The following PTPRO variants were observed in gnomAD, a reference collection of about 807,000 sequenced individuals.
PTPRO encodes protein tyrosine phosphatase receptor type O, also known as receptor-type tyrosine-protein phosphatase O.
In PTPRO, 62 loss-of-function variants were observed where a neutral mutation model predicts 145.2. That is an observed-to-expected ratio of 0.43 (90% confidence interval 0.35 to 0.53). The LOEUF (loss-of-function observed/expected upper bound fraction) is 0.53. Ranked by LOEUF, PTPRO falls within the 20% of genes least tolerant of loss-of-function variation. PTPRO has a pLI of 0.01. For missense variants in PTPRO, 1,345 were observed against 1,482.7 expected (o/e 0.91, Z 1.53); for synonymous variants, 565 against 514.7 (o/e 1.10, Z -1.32).
chr12:15,409,803 C>G (rs1384453010), intron 1 of PTPRO, among the ~76,000 whole-genome samples: 1 of 152,196 alleles, frequency 6.6e-6, no homozygotes, highest in African/African-American at 2.4e-5. Flanking sequence ...ATCTCAAGGA[C>G]AGTACCAAGG....
chr12:15,558,512 C>T (rs1313910946), intron 16 of PTPRO, among the ~76,000 whole-genome samples: 1 of 152,164 alleles, frequency 6.6e-6, no homozygotes, highest in East Asian at 1.9e-4. Context: ...ACAATCCTAT[C>T]CAGTTCAATC....
rs149911797 is a variant in PTPRO, at chr12:15,595,429, G to T, written c.*16+372G>T. On this transcript the variant is annotated intron_variant, in intron 26 of 26. Coordinates refer to ENST00000281171, the MANE Select transcript of PTPRO (RefSeq NM_030667.3). ...TGCAAATATTTTATTGATTACAAGG[G>T]CTGTATACGGGGTTACAAAAAGACA... 982 of 282,510 alleles carry T rather than the reference G, an allele frequency of 3.5e-3. 5 individuals carry two copies. The highest frequency in any genetic ancestry group is 5.1e-3 in the Admixed American group (113 of 22,220). 17.5% of individuals were successfully genotyped at this position (282,510 alleles called of 1,614,324 possible). A position where few individuals can be genotyped will look rare whatever the true frequency, so the allele number is the denominator to read the frequency against.
chr12:15,568,543 G>C (rs1265352542), intron 18 of PTPRO, among the ~76,000 whole-genome samples: 1 of 152,196 alleles, frequency 6.6e-6, no homozygotes, highest in Non-Finnish European at 1.5e-5. Context: ...CCCTGCCAAA[G>C]TGGAAAGGCT....
At position 15,524,796 on chromosome 12, in the gene PTPRO, C is replaced by T. The variant is rs766847789; in HGVS notation, c.1892-18C>T. On this transcript the variant is annotated intron_variant, in intron 10 of 26. Transcript: ENST00000281171. ...ATCCATCTATTATACTAAATTGTGC[C>T]TCGTTTCTCCCTTGTAGCCCCAGTG... 9.3e-6 allele frequency: 15 copies of T among 1,607,340 alleles called. No homozygotes were observed. The highest frequency in any genetic ancestry group is 1.3e-5 in the Non-Finnish European group (15 of 1,174,120).
chr12:15,573,373 A>G (rs949975146), intron 19 of PTPRO, among the ~76,000 whole-genome samples: 1 of 152,222 alleles, frequency 6.6e-6, no homozygotes, highest in African/African-American at 2.4e-5. Flanking sequence ...TTAATCACAT[A>G]TGAGAAAAAC....
intron 1 of PTPRO, among the ~76,000 whole-genome samples, chr12:15,397,662 T>C (rs565422175): frequency 6.6e-6 from 1 of 152,312 alleles, no homozygotes; most frequent in East Asian, 1.9e-4. Context: ...TCCTGGTTCA[T>C]GTATCCATCA....
In PTPRO at chr12:15,414,131, A is replaced by G. The variant is rs142935863; in HGVS notation, c.76-69843A>G. Among the ~76,000 whole-genome samples the G allele has an allele frequency of 4.6e-5, 7 of 152,342 alleles. No homozygotes were observed. In the East Asian group the frequency reaches 1.3e-3, roughly 29 times the overall value. On this transcript the variant is annotated intron_variant, in intron 1 of 26. Transcript: ENST00000281171. ...CTTGTCTAACCGTAAGAACCTTGTTAAAATACTGATACCCAGAAGTAATTT... is the reference window on the plus strand; with the variant it reads ...CTTGTCTAACCGTAAGAACCTTGTTGAAATACTGATACCCAGAAGTAATTT...
chr12:15,562,503 C>T (rs1046433525), intron 17 of PTPRO, among the ~76,000 whole-genome samples: 6 of 152,098 alleles, frequency 3.9e-5, no homozygotes, highest in African/African-American at 1.4e-4. Context: ...TTTCTAAAAC[C>T]CATCTGATGC....
chr12:15,379,616 G>T (rs1031319773), intron 1 of PTPRO, among the ~76,000 whole-genome samples: 12 of 148,310 alleles, frequency 8.1e-5, no homozygotes, highest in African/African-American at 2.7e-4. Context: ...AATAAAAAAT[G>T]AATTACTGAT....
At chr12:15,329,544 A>G (rs763429081) in intron 1 of PTPRO, among the ~76,000 whole-genome samples, 2 of 152,152 alleles carry the variant, frequency 1.3e-5, no homozygotes, top group African/African-American at 2.4e-5. Flanking sequence ...TCTTTCCCCA[A>G]TGCCAAAATG....
intron 12 of PTPRO, among the ~76,000 whole-genome samples, chr12:15,542,310 A>T (rs1943196736): frequency 6.6e-6 from 1 of 152,240 alleles, no homozygotes; most frequent in African/African-American, 2.4e-5. Flanking sequence ...CACATAAAAT[A>T]TGCTAACACT....
intron 1 of PTPRO, among the ~76,000 whole-genome samples, chr12:15,462,154 C>T (rs543514718): frequency 2.0e-5 from 3 of 152,224 alleles, no homozygotes; most frequent in Admixed American, 1.3e-4. Flanking sequence ...GACGGCATTT[C>T]ACCCTTGTTG....
chr12:15,590,593 A>G (rs1447462999), intron 25 of PTPRO, among the ~76,000 whole-genome samples: 1 of 151,074 alleles, frequency 6.6e-6, no homozygotes, highest in Non-Finnish European at 1.5e-5. Flanking sequence ...CTGCTTTCCC[A>G]CTCCTTTTAC....
At chr12:15,392,808 T>C (rs1939227392) in intron 1 of PTPRO, among the ~76,000 whole-genome samples, 1 of 150,984 alleles carries the variant, frequency 6.6e-6, no homozygotes, top group African/African-American at 2.4e-5. Context: ...TTGTAGTCAC[T>C]CTGTTCATGG....
intron 1 of PTPRO, among the ~76,000 whole-genome samples, chr12:15,435,986 T>C (rs1940584539): frequency 1.3e-5 from 2 of 152,228 alleles, no homozygotes; most frequent in South Asian, 4.1e-4. Flanking sequence ...TGTACCAATA[T>C]GTTCATCATG....
chr12:15,505,927 T>C (rs1432180386), intron 6 of PTPRO, among the ~76,000 whole-genome samples: 1 of 152,238 alleles, frequency 6.6e-6, no homozygotes, highest in African/African-American at 2.4e-5. Context: ...TGCACTAGAC[T>C]GCCAATAGCC....
intron 1 of PTPRO, among the ~76,000 whole-genome samples, chr12:15,402,463 C>G (rs2136300803): frequency 6.6e-6 from 1 of 152,090 alleles, no homozygotes; most frequent in Middle Eastern, 3.4e-3. Context: ...TTTGCTTCTG[C>G]CTAGTGGAAT....
At chr12:15,379,742 A>G (rs1196406675) in intron 1 of PTPRO, among the ~76,000 whole-genome samples, 1 of 152,146 alleles carries the variant, frequency 6.6e-6, no homozygotes, top group Admixed American at 6.5e-5. Context: ...ACAAACCAAA[A>G]ATAAATTAAT....
At chr12:15,370,129 A>C (rs1172401970) in intron 1 of PTPRO, among the ~76,000 whole-genome samples, 4 of 152,194 alleles carry the variant, frequency 2.6e-5, no homozygotes, top group Admixed American at 2.0e-4. Context: ...TTTTAACAGA[A>C]GGTTTTTGAG....
Sources: allele counts gnomAD v4.1 joint callset (sites outside exome capture counted in the v4.1 genomes callset), GRCh38; gene constraint gnomAD v4.1.1; transcripts MANE v1.5; gene names NCBI Gene and HGNC (gene_info 2026-07-23, HGNC 2026-07-21).